The following RARB variants were observed in gnomAD, a reference collection of about 807,000 sequenced individuals.
RARB encodes HBV-activated protein.
RARB carries 17 observed loss-of-function variants against 51.9 expected under a neutral mutation model. The ratio of observed to expected loss-of-function variants is 0.33; its 90% CI spans 0.22 to 0.49. RARB has a LOEUF of 0.49. Among genes scored for constraint, RARB ranks in the 20% least tolerant of loss-of-function variants. The pLI is 0.99. For missense variants in RARB, 369 were observed against 550.8 expected (o/e 0.67, Z 3.30); for synonymous variants, 215 against 195.4 (o/e 1.10, Z -0.84).
chr3:25,433,193 G>A (rs75891846), intron 1 of RARB, among the ~76,000 whole-genome samples: 5,650 of 152,208 alleles, frequency 0.037, 331 homozygotes, highest in African/African-American at 0.13. Context: ...TGACAATCAT[G>A]TATCTCTGAT....
At chr3:24,941,560 G>T (rs1695668524) in intron 2 of RARB, among the ~76,000 whole-genome samples, 1 of 152,020 alleles carries the variant, frequency 6.6e-6, no homozygotes, top group Non-Finnish European at 1.5e-5. Flanking sequence ...AGTAGAGACG[G>T]GGTTTCCCCA....
At chr3:25,230,018 A>G (rs112793699) in intron 5 of RARB, among the ~76,000 whole-genome samples, 2,034 of 152,238 alleles carry the variant, frequency 0.013, 48 homozygotes, top group African/African-American at 0.047. Flanking sequence ...ATTATGAATG[A>G]TGATGCCTAG....
intron 3 of RARB, among the ~76,000 whole-genome samples, chr3:25,104,886 C>T (rs1699469616): frequency 6.6e-6 from 1 of 151,840 alleles, no homozygotes; most frequent in Non-Finnish European, 1.5e-5. Flanking sequence ...AACTAATCTC[C>T]AGTGCTAGAA....
chr3:25,047,230 G>T (rs887906502), intron 2 of RARB, among the ~76,000 whole-genome samples: 5 of 152,108 alleles, frequency 3.3e-5, no homozygotes, highest in South Asian at 2.1e-4. Flanking sequence ...AAACTATTTT[G>T]TGCCTGGGAG....
rs980024346 is a variant in RARB at position 25,416,616 on chromosome 3, C to T, written c.179-44577C>T. 6.6e-5 allele frequency among the ~76,000 whole-genome samples: 10 copies of T among 152,174 alleles called. 1 individual carries two copies. The highest frequency in any genetic ancestry group is 2.0e-4 in the Admixed American group (3 of 15,280). On this transcript the variant is annotated intron_variant, in intron 5 of 11. Coordinates refer to the RARB transcript ENST00000383772. Reference sequence around the variant, plus strand: ...TTTGTGGGCCATACAGTTGCCACTACGATCACGCAGCTCTGTTGTGCAAAA... The same window carrying T: ...TTTGTGGGCCATACAGTTGCCACTATGATCACGCAGCTCTGTTGTGCAAAA...
At chr3:25,101,647 ATG>A (rs892191403) in intron 3 of RARB, among the ~76,000 whole-genome samples, 1 of 147,564 alleles carries the variant, frequency 6.8e-6, no homozygotes, top group African/African-American at 2.5e-5. Context: ...CTAAATCTTT[ATG>A]TTTTTTTTTT....
At chr3:25,323,500 A>C (rs1704628912) in intron 5 of RARB, among the ~76,000 whole-genome samples, 1 of 152,270 alleles carries the variant, frequency 6.6e-6, no homozygotes, top group Admixed American at 6.5e-5. Context: ...TACTCAGTTT[A>C]AATTCCCAAG....
intron 2 of RARB, among the ~76,000 whole-genome samples, chr3:24,984,477 T>C (rs573313916): frequency 6.6e-6 from 1 of 152,148 alleles, no homozygotes; most frequent in Non-Finnish European, 1.5e-5. Flanking sequence ...TCTTTTAAAG[T>C]TAAACTATGA....
chr3:25,264,903 A>G (rs1014145603), intron 5 of RARB, among the ~76,000 whole-genome samples: 1 of 152,204 alleles, frequency 6.6e-6, no homozygotes, highest in African/African-American at 2.4e-5. Context: ...ATGTATACCC[A>G]GAAATTCATA....
At chr3:25,330,685 G>T (rs188372775) in intron 5 of RARB, among the ~76,000 whole-genome samples, 2 of 152,132 alleles carry the variant, frequency 1.3e-5, no homozygotes, top group African/African-American at 4.8e-5. Context: ...AATGTAAATG[G>T]GTTAAATGCT....
intron 5 of RARB, among the ~76,000 whole-genome samples, chr3:25,587,326 T>C (rs1701430488): frequency 6.6e-6 from 1 of 151,972 alleles, no homozygotes; most frequent in Admixed American, 6.5e-5. Flanking sequence ...GAGGCAGCTG[T>C]GGCTCATGAG....
chr3:25,162,016 C>T (rs1270177343), intron 4 of RARB, among the ~76,000 whole-genome samples: 1 of 152,206 alleles, frequency 6.6e-6, no homozygotes, highest in African/African-American at 2.4e-5. Context: ...CATGTATCAG[C>T]AGAACCTGTG....
intron 4 of RARB, among the ~76,000 whole-genome samples, chr3:25,132,278 TATTATA>T (rs780499946): frequency 1.3e-5 from 2 of 151,904 alleles, no homozygotes; most frequent in African/African-American, 4.8e-5. Context: ...CAGCAATTGC[TATTATA>T]ATTATAAATA....
intron 5 of RARB, among the ~76,000 whole-genome samples, chr3:25,200,717 G>A (rs1236764758): frequency 6.6e-6 from 1 of 151,994 alleles, no homozygotes; most frequent in African/African-American, 2.4e-5. Context: ...CCCATTGCTT[G>A]TTTTTCTCAG....
At chr3:25,060,534 G>A (rs1698528008) in intron 3 of RARB, among the ~76,000 whole-genome samples, 1 of 151,824 alleles carries the variant, frequency 6.6e-6, no homozygotes, top group African/African-American at 2.4e-5. Flanking sequence ...TGTTGCAAAA[G>A]CAGCTCAGGT....
At chr3:25,584,593 T>C (rs932825493) in intron 5 of RARB, among the ~76,000 whole-genome samples, 15 of 151,712 alleles carry the variant, frequency 9.9e-5, no homozygotes, top group African/African-American at 3.6e-4. Context: ...CCCCGGCAGG[T>C]TGGAGGAAGT....
rs543112937 is a variant in RARB at position 25,291,125 on chromosome 3, T to C, written c.178+116550T>C. On this transcript the variant is annotated intron_variant, in intron 5 of 11. Transcript: ENST00000383772. ...AATATAGAGTTGAGGCAAAACTATC[T>C]TTAATATCCCTCCAGCATTACCATG... Among the ~76,000 whole-genome samples the C allele has an allele frequency of 2.5e-4, 38 of 152,298 alleles. No homozygotes were observed. The South Asian group carries it at 7.7e-3, about 31-fold the overall frequency.
At chr3:25,228,785 G>C (rs1445158049) in intron 5 of RARB, among the ~76,000 whole-genome samples, 2 of 152,104 alleles carry the variant, frequency 1.3e-5, no homozygotes, top group African/African-American at 4.8e-5. Flanking sequence ...AGTAAGTTGA[G>C]AGTAGCATGG....
chr3:25,366,637 G>A (rs77642163), intron 5 of RARB, among the ~76,000 whole-genome samples: 2,994 of 152,188 alleles, frequency 0.02, 91 homozygotes, highest in African/African-American at 0.065. Flanking sequence ...CCTAAATACT[G>A]GTCAACCACT....
Sources: allele counts gnomAD v4.1 joint callset (sites outside exome capture counted in the v4.1 genomes callset), GRCh38; gene constraint gnomAD v4.1.1; transcripts MANE v1.5; gene names NCBI Gene and HGNC (gene_info 2026-07-23, HGNC 2026-07-21).